The following GPBP1L1 variants were observed in gnomAD, a reference collection of about 807,000 sequenced individuals.
GPBP1L1 encodes GC-rich promoter binding protein 1 like 1.
A neutral mutation model predicts 52.5 loss-of-function variants in GPBP1L1; 23 were observed. The ratio of observed to expected loss-of-function variants is 0.44; its 90% CI spans 0.32 to 0.62. The LOEUF (loss-of-function observed/expected upper bound fraction) is 0.62. Among genes scored for constraint, GPBP1L1 ranks in the 20% least tolerant of loss-of-function variants. GPBP1L1 has a pLI of 0.06. For missense variants in GPBP1L1, 596 were observed against 579.3 expected, an observed-to-expected ratio of 1.03 and a Z score of -0.30; for synonymous variants, 243 against 203.1, an observed-to-expected ratio of 1.20 and a Z score of -1.67.
chr1:45,629,730 G>C, intron 11 of GPBP1L1, 52 bp from the exon 12 acceptor site: 1 of 1,165,442 alleles, frequency 8.6e-7, no homozygotes, highest in South Asian at 1.2e-5. Context: ...CTAAGCCTAA[G>C]TGAACAGCCC....
At chr1:45,629,363 T>C (rs1222548626) in intron 12 of GPBP1L1, among the ~76,000 whole-genome samples, 1 of 151,866 alleles carries the variant, frequency 6.6e-6, no homozygotes, top group Non-Finnish European at 1.5e-5. Context: ...TGGAATCTGC[T>C]AATCACTGAC....
At chr1:45,654,046 C>T (rs1644853603) in intron 6 of GPBP1L1, among the ~76,000 whole-genome samples, 2 of 151,948 alleles carry the variant, frequency 1.3e-5, no homozygotes, top group Admixed American at 6.6e-5. Flanking sequence ...TTTAAAGATA[C>T]TCTGAAAATG....
In GPBP1L1 at chr1:45,628,273, C is replaced by A. The variant is rs761298668; in HGVS notation, c.1408G>T (p.Asp470Tyr). The A allele has an allele frequency of 6.2e-7, 1 of 1,614,056 alleles. No individual in the cohort carries two copies. Among genetic ancestry groups the A allele is most frequent in the Non-Finnish European group, 8.5e-7 (1 of 1,180,008 alleles). ...TTATATGCCTACTTCCAGGCATCGT[C>A]ATCTGATGTTTCACTGCTACTGGTT... ...TETSSSETSDDDAWK is the reference protein window; with the variant it reads ...TETSSSETSDYDAWK The change falls in exon 13 of 13, where the codon GAC (aspartate) becomes TAC (tyrosine). Residue 470 changes from aspartate (D) to tyrosine (Y), a missense_variant. Physicochemically the swap from Asp to Tyr is radical, Grantham distance 160. Coordinates refer to ENST00000355105, the MANE Select transcript of GPBP1L1 (RefSeq NM_021639.5).
rs757252727 is a variant in GPBP1L1, at chr1:45,634,217, T to C, written c.764A>G (p.Asn255Ser). The C allele has an allele frequency of 1.9e-6, 3 of 1,613,260 alleles. No individual in the cohort carries two copies. The South Asian group carries it at 3.3e-5, about 18-fold the overall frequency. The change falls in exon 9 of 13, where the codon AAC (asparagine) becomes AGC (serine). Residue 255 changes from asparagine to serine, a missense_variant. Asn to Ser is a conservative substitution (Grantham distance 46). Coordinates refer to ENST00000355105, the MANE Select transcript of GPBP1L1 (RefSeq NM_021639.5). ...GGATCCTGACTTGTGCTCCATCCTG[T>C]TAGCTTTCCATGCATTAGGCTACAC... ...PPSKPNAWKA[N>S]RMEHKSGSLS...
At chr1:45,645,768 GTTT>G (rs200618825) in intron 6 of GPBP1L1, 12 of 208,680 alleles carry the variant, frequency 5.8e-5, no homozygotes, top group South Asian at 1.1e-4. Flanking sequence ...GAAGTTTTTT[GTTT>G]TTTTTTTTTT....
chr1:45,658,074 A>G (rs542287268), intron 4 of GPBP1L1, among the ~76,000 whole-genome samples: 2 of 152,222 alleles, frequency 1.3e-5, no homozygotes, highest in Non-Finnish European at 2.9e-5. Context: ...TCAATAACTC[A>G]GGCTGATTCT....
intron 2 of GPBP1L1, among the ~76,000 whole-genome samples, chr1:45,670,676 C>T (rs1645063186): frequency 6.6e-6 from 1 of 151,928 alleles, no homozygotes; most frequent in African/African-American, 2.4e-5. Context: ...TCTTTTTCCA[C>T]TGATTTATAC....
chr1:45,663,527 C>T (rs1445571548), intron 2 of GPBP1L1, among the ~76,000 whole-genome samples: 1 of 152,136 alleles, frequency 6.6e-6, no homozygotes, highest in Non-Finnish European at 1.5e-5. Context: ...CAATTACTCA[C>T]CCATCACCCT....
In GPBP1L1 at chr1:45,654,843, G is replaced by A. The variant is rs762415465; in HGVS notation, c.191-14C>T. 2.4e-5 allele frequency: 39 copies of A among 1,609,876 alleles called. No homozygotes were observed. The highest frequency in any genetic ancestry group is 1.7e-4 in the Middle Eastern group (1 of 6,056). On this transcript the variant is annotated splice_polypyrimidine_tract_variant and intron_variant, in intron 5 of 12. Transcript: ENST00000355105. The stretch of plus-strand genomic sequence containing the variant: ...GGTGCCAAGAATCTAGAATAGTAAA[G>A]AAAAGGACTAATTAGATTGTTTGCT...
At position 45,634,078 on chromosome 1, in the gene GPBP1L1, T is replaced by C. The variant is rs1428811021; in HGVS notation, c.885+18A>G. 1 of 1,592,430 alleles carries C rather than the reference T, an allele frequency of 6.3e-7. No individual in the cohort carries two copies. Among genetic ancestry groups the C allele is most frequent in the Non-Finnish European group, 8.6e-7 (1 of 1,166,222 alleles). On this transcript the variant is annotated intron_variant, in intron 9 of 12. Coordinates refer to ENST00000355105, the MANE Select transcript of GPBP1L1 (RefSeq NM_021639.5). The stretch of plus-strand genomic sequence containing the variant: ...ATGGCAATTTCAGAAAAGACTGTCC[T>C]GCTTCATCCTCACTCACCTCTTTGG...
At chr1:45,659,285 A>C (rs373624589) in intron 3 of GPBP1L1, 143 bp from the exon 4 acceptor site, 4 of 551,674 alleles carry the variant, frequency 7.3e-6, no homozygotes, top group East Asian at 3.1e-5. Flanking sequence ...CAAGCCTTAT[A>C]ACTCAGAGAA....
chr1:45,669,780 CTT>C (rs1282727532), intron 2 of GPBP1L1, among the ~76,000 whole-genome samples: 4 of 152,192 alleles, frequency 2.6e-5, no homozygotes, highest in African/African-American at 9.7e-5. Context: ...TGTGAAGTGA[CTT>C]TTAGTAAATA....
intron 6 of GPBP1L1, among the ~76,000 whole-genome samples, chr1:45,648,899 G>A (rs943625115): frequency 2.6e-5 from 4 of 151,974 alleles, no homozygotes; most frequent in Admixed American, 1.3e-4. Flanking sequence ...GTAGGGGTGC[G>A]CATGCCTGTA....
At chr1:45,649,669 A>T (rs1228540415) in intron 6 of GPBP1L1, among the ~76,000 whole-genome samples, 2 of 152,178 alleles carry the variant, frequency 1.3e-5, no homozygotes, top group East Asian at 3.8e-4. Flanking sequence ...GGTAATTTTA[A>T]TATTTTTTAA....
At chr1:45,651,557 G>A (rs2148463790) in intron 6 of GPBP1L1, 1 of 587,234 alleles carries the variant, frequency 1.7e-6, no homozygotes, top group Non-Finnish European at 3.1e-6. Flanking sequence ...CTGAGTAGCT[G>A]TTTGGCAGCG....
At position 45,627,402 on chromosome 1, in the gene GPBP1L1, T is replaced by G. The variant is rs188638503; in HGVS notation, c.*854A>C. 2.6e-4 allele frequency: 40 copies of G among 152,692 alleles called. No homozygotes were observed. Among genetic ancestry groups the G allele is most frequent in the African/African-American group, 8.9e-4 (37 of 41,556 alleles). 9.5% of individuals were successfully genotyped at this position (152,692 alleles called of 1,614,324 possible). A position where few individuals can be genotyped will look rare whatever the true frequency, so the allele number is the denominator to read the frequency against. ...AGAAACAGTTGTGTCTGAATTCACATTTCCCCCCAACTTCTAAAAATATTT... is the reference window on the plus strand; with the variant it reads ...AGAAACAGTTGTGTCTGAATTCACAGTTCCCCCCAACTTCTAAAAATATTT... On this transcript the variant is annotated 3_prime_UTR_variant, in exon 13 of 13. Coordinates refer to ENST00000355105, the MANE Select transcript of GPBP1L1 (RefSeq NM_021639.5).
At chr1:45,642,588 A>T (rs1337864148) in intron 6 of GPBP1L1, 89 bp from the exon 7 acceptor site, 1 of 883,144 alleles carries the variant, frequency 1.1e-6, no homozygotes, top group Non-Finnish European at 1.9e-6. Context: ...GAACCTATCA[A>T]ATAATTACAT....
intron 6 of GPBP1L1, among the ~76,000 whole-genome samples, chr1:45,649,454 CTTT>C (rs145402694): frequency 0.29 from 42,609 of 146,232 alleles, 6,103 homozygotes; most frequent in South Asian, 0.37. Flanking sequence ...TAATCTGGAG[CTTT>C]TTTTTTTTTC....
chr1:45,664,511 A>G (rs1372979490), intron 2 of GPBP1L1, among the ~76,000 whole-genome samples: 6 of 151,914 alleles, frequency 3.9e-5, no homozygotes, highest in Non-Finnish European at 8.8e-5. Flanking sequence ...GCTTGCCGTG[A>G]GCGGAGATGG....
Sources: allele counts gnomAD v4.1 joint callset (sites outside exome capture counted in the v4.1 genomes callset), GRCh38; gene constraint gnomAD v4.1.1; transcripts MANE v1.5; gene names NCBI Gene and HGNC (gene_info 2026-07-23, HGNC 2026-07-21).